The following GARNL3 variants were observed in gnomAD, a reference collection of about 807,000 sequenced individuals.
GARNL3 encodes GTPase activating Rap/RanGAP domain like 3.
Under a neutral mutation model 125.0 loss-of-function variants are expected in GARNL3, and 63 were observed. The ratio of observed to expected loss-of-function variants is 0.50; its 90% CI spans 0.41 to 0.62. The LOEUF (loss-of-function observed/expected upper bound fraction) is 0.62, where lower values mean the gene tolerates loss of function less well. Among genes scored for constraint, GARNL3 ranks in the 20% least tolerant of loss-of-function variants. The pLI is 0.00. For synonymous variants in GARNL3, 439 were observed against 457.5 expected (o/e 0.96, Z 0.52); for missense variants, 994 against 1,244.0 (o/e 0.80, Z 3.02).
intron 20 of GARNL3, among the ~76,000 whole-genome samples, chr9:127,356,943 C>G (rs1588922953): frequency 6.6e-6 from 1 of 152,374 alleles, no homozygotes; most frequent in East Asian, 1.9e-4. Flanking sequence ...AGGGATAAAG[C>G]AGACCATACT....
In GARNL3 at chr9:127,365,362, C is replaced by T. The variant is rs1309668012; in HGVS notation, c.2157C>T (p.Tyr719=). Residue 719 remains tyrosine (Y), a synonymous_variant, in exon 22 of 28, where the codon TAC becomes TAT. Transcript: ENST00000373387. ...GAGAAGCTGGTTTGCTGTTGTGTTA[C>T]AACTGTAAGTTAAGGATGTGCTTTT... The part of the protein sequence containing the change: ...EDGEAGLLLC[Y]NYSCIYKKVC... 1 of 1,610,642 alleles carries T rather than the reference C, an allele frequency of 6.2e-7. No individual in the cohort carries two copies. The highest frequency in any genetic ancestry group is 8.5e-7 in the Non-Finnish European group (1 of 1,176,962).
At chr9:127,300,515 TG>T in intron 2 of GARNL3, 1 of 365,796 alleles carries the variant, frequency 2.7e-6, no homozygotes, top group Non-Finnish European at 5.2e-6. Flanking sequence ...AGTGCAGTGG[TG>T]GGATCTTGGC....
intron 1 of GARNL3, among the ~76,000 whole-genome samples, chr9:127,279,071 G>GA (rs1442361342): frequency 1.3e-5 from 2 of 152,038 alleles, no homozygotes; most frequent in African/African-American, 4.8e-5. Flanking sequence ...CCTGAATTTG[G>GA]GGGGGGACAC....
intron 7 of GARNL3, among the ~76,000 whole-genome samples, chr9:127,325,940 T>C (rs1484567705): frequency 6.6e-6 from 1 of 152,200 alleles, no homozygotes; most frequent in African/African-American, 2.4e-5. Flanking sequence ...TCCTGTCCTG[T>C]TCAAAGGGAA....
intron 1 of GARNL3, among the ~76,000 whole-genome samples, chr9:127,272,704 C>G (rs1176593357): frequency 6.6e-6 from 1 of 152,150 alleles, no homozygotes; most frequent in African/African-American, 2.4e-5. Flanking sequence ...GTCTTGATCT[C>G]CTGACCTCGT....
At chr9:127,313,137 C>T (rs764389453) in intron 3 of GARNL3, among the ~76,000 whole-genome samples, 31 of 152,102 alleles carry the variant, frequency 2.0e-4, no homozygotes, top group Non-Finnish European at 1.5e-5. Context: ...CTAGACTCCA[C>T]CAGGTCCAGA....
intron 2 of GARNL3, among the ~76,000 whole-genome samples, chr9:127,243,495 A>G (rs1361493448): frequency 6.6e-6 from 1 of 152,210 alleles, no homozygotes; most frequent in African/African-American, 2.4e-5. Context: ...AGTTCTTGTC[A>G]TCAGTGGGCT....
intron 2 of GARNL3, among the ~76,000 whole-genome samples, chr9:127,254,839 AT>A (rs1440909046): frequency 6.6e-5 from 10 of 152,126 alleles, no homozygotes; most frequent in African/African-American, 2.4e-4. Flanking sequence ...GGGACAAAAG[AT>A]TTGGAATAGG....
At chr9:127,390,106 C>T (rs971651669) in intron 26 of GARNL3, among the ~76,000 whole-genome samples, 13 of 152,144 alleles carry the variant, frequency 8.5e-5, no homozygotes, top group Non-Finnish European at 1.5e-4. Flanking sequence ...AGACTGGGAC[C>T]TGCATGAACG....
At chr9:127,253,787 A>T (rs2063447810) in intron 2 of GARNL3, among the ~76,000 whole-genome samples, 1 of 152,140 alleles carries the variant, frequency 6.6e-6, no homozygotes, top group South Asian at 2.1e-4. Flanking sequence ...TAAAGGTGTG[A>T]TGGATTTCAA....
At chr9:127,293,708 C>T (rs1187593736) in intron 2 of GARNL3, among the ~76,000 whole-genome samples, 1 of 152,038 alleles carries the variant, frequency 6.6e-6, no homozygotes, top group South Asian at 2.1e-4. Flanking sequence ...GGCCTATGCT[C>T]CTCATGTAAT....
chr9:127,341,310 G>A (rs1351570213), intron 13 of GARNL3, among the ~76,000 whole-genome samples: 1 of 152,246 alleles, frequency 6.6e-6, no homozygotes, highest in Non-Finnish European at 1.5e-5. Context: ...CAGGGAGCAT[G>A]AGCAAGTGAG....
At chr9:127,227,579 C>T (rs144781494) in intron 1 of GARNL3, among the ~76,000 whole-genome samples, 2,492 of 151,306 alleles carry the variant, frequency 0.016, 24 homozygotes, top group Middle Eastern at 0.034. Flanking sequence ...CCAGCCTGGG[C>T]GACAGAGTGA....
intron 7 of GARNL3, among the ~76,000 whole-genome samples, chr9:127,326,780 G>A (rs190394092): frequency 2.0e-5 from 3 of 152,128 alleles, no homozygotes; most frequent in African/African-American, 7.2e-5. Flanking sequence ...CCTTGTGAAT[G>A]GGATTAGTGC....
chr9:127,354,371 A>G lies in GARNL3; in HGVS notation c.1720A>G (p.Arg574Gly), dbSNP rs1564171633. The G allele has an allele frequency of 1.9e-6, 3 of 1,613,370 alleles. No homozygotes were observed. The highest frequency in any genetic ancestry group is 2.5e-6 in the Non-Finnish European group (3 of 1,179,464). Residue 574 changes from arginine to glycine, a missense_variant, in exon 19 of 28, where the codon AGG becomes GGG. By Grantham distance (125) the Arg-to-Gly change is moderately radical. This residue lies in a region of GARNL3 where 728 missense variants were observed against 865.7 expected (regional missense o/e 0.84). Transcript: ENST00000373387. ...GLEGKQAGKS[R>G]SDCRENKLEK... ...TGAGGGGAAGCAGGCTGGGAAGAGC[A>G]GGTCTGACTGCAGAGAAAACAAGTT...
chr9:127,339,861 G>A, intron 13 of GARNL3, 110 bp downstream of exon 13: 2 of 773,136 alleles, frequency 2.6e-6, no homozygotes, highest in East Asian at 4.9e-5. Flanking sequence ...AGCATTCCAT[G>A]TTCCGTTAAT....
At chr9:127,314,526 TCC>T (rs1167746171) in intron 4 of GARNL3, among the ~76,000 whole-genome samples, 1 of 151,704 alleles carries the variant, frequency 6.6e-6, no homozygotes, top group Non-Finnish European at 1.5e-5. Context: ...CTTCACCCCT[TCC>T]TTCCTCCCTC....
intron 2 of GARNL3, among the ~76,000 whole-genome samples, chr9:127,246,516 G>T (rs1374637586): frequency 2.6e-5 from 4 of 152,142 alleles, no homozygotes; most frequent in Non-Finnish European, 4.4e-5. Context: ...TGTAGAAAAT[G>T]ATATCGGGGC....
intron 22 of GARNL3, among the ~76,000 whole-genome samples, chr9:127,376,469 C>T (rs1015936152): frequency 1.3e-5 from 2 of 152,128 alleles, no homozygotes; most frequent in Non-Finnish European, 2.9e-5. Flanking sequence ...CCGCCCGCCT[C>T]GGCCTCCCAG....
Sources: gnomAD v4.1 joint callset for allele counts (sites outside exome capture counted in the v4.1 genomes callset) on GRCh38, gnomAD v4.1.1 for gene constraint, gnomAD v4.1.1 regional missense constraint, MANE v1.5 for transcripts, NCBI Gene and HGNC (gene_info 2026-07-23, HGNC 2026-07-21) for gene names.